MROH9: variants seen among roughly 807,000 people sequenced by gnomAD.
The protein encoded by MROH9 is maestro heat like repeat family member 9.
In MROH9, 92 loss-of-function variants were observed where a neutral mutation model predicts 98.2. The ratio of observed to expected loss-of-function variants is 0.94; its 90% CI spans 0.79 to 1.11. The LOEUF is 1.11. Among genes scored for constraint, MROH9 ranks in the 50% most tolerant of loss-of-function variants. The pLI is 0.00. For missense variants in MROH9, 1,057 were observed against 1,014.8 expected, an observed-to-expected ratio of 1.04 and a Z score of -0.57; for synonymous variants, 397 against 368.9, an observed-to-expected ratio of 1.08 and a Z score of -0.87.
chr1:170,969,618 G>A (rs1650363287), intron 7 of MROH9, among the ~76,000 whole-genome samples: 1 of 152,110 alleles, frequency 6.6e-6, no homozygotes, highest in African/African-American at 2.4e-5. Context: ...AGAAGCAGCT[G>A]AAAACCATAG....
In MROH9 at chr1:171,014,323, C is replaced by G. The variant is rs985112420; in HGVS notation, c.1734+69C>G. 4.3e-6 allele frequency: 6 copies of G among 1,387,312 alleles called. No homozygotes were observed. The African/African-American group carries it at 7.2e-5, about 17-fold the overall frequency. 85.9% of individuals were successfully genotyped at this position (1,387,312 alleles called of 1,614,324 possible). ...AATCTGAGATTTTGATGTCACTTAACATCTTCACTGACAAAGCGGTGATAT... is the reference window on the plus strand; with the variant it reads ...AATCTGAGATTTTGATGTCACTTAAGATCTTCACTGACAAAGCGGTGATAT... On this transcript the variant is annotated intron_variant, in intron 16 of 21. Coordinates refer to ENST00000367759, the MANE Select transcript of MROH9 (RefSeq NM_001163629.2).
At chr1:170,977,208 C>A (rs1386874722) in intron 8 of MROH9, among the ~76,000 whole-genome samples, 1 of 152,104 alleles carries the variant, frequency 6.6e-6, no homozygotes, top group Non-Finnish European at 1.5e-5. Flanking sequence ...GATCTTCATT[C>A]CTAGCCATAT....
intron 3 of MROH9, among the ~76,000 whole-genome samples, chr1:170,957,804 TTTTTTGTTTGTTTG>T (rs1557873142): frequency 6.2e-5 from 9 of 144,942 alleles, no homozygotes; most frequent in Non-Finnish European, 7.8e-5. Flanking sequence ...TGTTTTTTTT[TTTTTTGTTTGTTTG>T]TTTTTTTTGA....
At chr1:170,981,641 C>T (rs1346605355) in intron 8 of MROH9, among the ~76,000 whole-genome samples, 16 of 150,780 alleles carry the variant, frequency 1.1e-4, no homozygotes, top group African/African-American at 3.2e-4. Context: ...ACTTAAAGGA[C>T]GGGTCAATAG....
chr1:170,973,865 G>A (rs1055560086), intron 8 of MROH9, among the ~76,000 whole-genome samples: 24 of 152,020 alleles, frequency 1.6e-4, no homozygotes, highest in African/African-American at 5.8e-4. Context: ...ATAGAGAAAT[G>A]GCACAGATGA....
chr1:170,985,167 T>C (rs1407523027), intron 9 of MROH9, among the ~76,000 whole-genome samples: 2 of 152,154 alleles, frequency 1.3e-5, no homozygotes, highest in Admixed American at 6.5e-5. Context: ...TCATACCAAA[T>C]AAACTAATAG....
chr1:170,937,561 G>T (rs1391610235), intron 1 of MROH9, among the ~76,000 whole-genome samples: 1 of 123,066 alleles, frequency 8.1e-6, no homozygotes, highest in African/African-American at 3.2e-5. Context: ...TCGCTCTGTC[G>T]CCCAGGCTGG....
intron 17 of MROH9, among the ~76,000 whole-genome samples, chr1:171,023,458 T>G (rs1284715169): frequency 6.6e-6 from 1 of 152,170 alleles, no homozygotes; most frequent in Non-Finnish European, 1.5e-5. Context: ...AAAAATTATC[T>G]TCAAGTTATA....
intron 7 of MROH9, among the ~76,000 whole-genome samples, chr1:170,965,558 C>A (rs1650201643): frequency 6.6e-6 from 1 of 152,114 alleles, no homozygotes; most frequent in Non-Finnish European, 1.5e-5. Context: ...TCTTTAAAAT[C>A]CTTCCAACCT....
intron 15 of MROH9, among the ~76,000 whole-genome samples, chr1:171,000,579 G>T (rs1651752069): frequency 6.6e-6 from 1 of 152,010 alleles, no homozygotes; most frequent in Non-Finnish European, 1.5e-5. Context: ...CTGCATACCT[G>T]GTATGAAACC....
At chr1:171,002,895 T>C (rs558830679) in intron 15 of MROH9, among the ~76,000 whole-genome samples, 26 of 152,310 alleles carry the variant, frequency 1.7e-4, no homozygotes, top group African/African-American at 6.3e-4. Context: ...CCAATTATTC[T>C]TAGGTTTAGT....
chr1:171,005,911 T>A (rs545872892), intron 15 of MROH9, among the ~76,000 whole-genome samples: 2 of 152,188 alleles, frequency 1.3e-5, no homozygotes, highest in South Asian at 4.1e-4. Context: ...ATTGAAGCTA[T>A]ATTTTAATAC....
chr1:171,046,585 C>T lies in MROH9; in HGVS notation c.2282-15547C>T, dbSNP rs2101864230. Among the ~76,000 whole-genome samples the T allele has an allele frequency of 3.3e-5, 5 of 152,226 alleles. No homozygotes were observed. The Middle Eastern group carries it at 0.014, about 414-fold the overall frequency. On this transcript the variant is annotated intron_variant, in intron 20 of 21. Transcript: ENST00000367759. ...TTAATTTCATCCCTCTGCTTTTTAA[C>T]TTTTTGTTGCTTCTATTTATATCTT...
chr1:171,062,207 GT>G lies in MROH9; in HGVS notation c.2344+15del. 1 of 1,524,514 alleles carries G rather than the reference GT, an allele frequency of 6.6e-7. No homozygotes were observed. The highest frequency in any genetic ancestry group is 8.9e-7 in the Non-Finnish European group (1 of 1,124,956). The allele number at this position is 1,524,514 out of a possible 1,614,324, so 94.4% of individuals were successfully genotyped here. On this transcript the variant is annotated intron_variant, in intron 21 of 21. Coordinates refer to ENST00000367759, the MANE Select transcript of MROH9 (RefSeq NM_001163629.2). ...GTCATGCTTGATGGTGAGTATTGAG[GT>G]TATAACAAAATCTTTATGCATAAAT...
chr1:171,050,089 G>A (rs1653617578), intron 20 of MROH9, among the ~76,000 whole-genome samples: 1 of 152,152 alleles, frequency 6.6e-6, no homozygotes, highest in African/African-American at 2.4e-5. Context: ...TGGATTGTCT[G>A]TTTACTCAGC....
chr1:171,011,922 A>G (rs1652167808), intron 15 of MROH9, among the ~76,000 whole-genome samples: 1 of 151,422 alleles, frequency 6.6e-6, no homozygotes, highest in South Asian at 2.1e-4. Flanking sequence ...TGCCTTTATT[A>G]TTTTCTTACA....
Position 170,983,546 on chromosome 1 carries a change from C to G in MROH9, c.729+12C>G. ...GTAAAATAGCTCAGGTAACTTAGCCCCCACTTTTTCCGAGGGCTTTTGTTT... is the reference window on the plus strand; with the variant it reads ...GTAAAATAGCTCAGGTAACTTAGCCGCCACTTTTTCCGAGGGCTTTTGTTT... On this transcript the variant is annotated intron_variant, in intron 9 of 21. Transcript: ENST00000367759. 1 of 1,497,276 alleles carries G rather than the reference C, an allele frequency of 6.7e-7. No individual in the cohort carries two copies. Among genetic ancestry groups the G allele is most frequent in the Non-Finnish European group, 9.3e-7 (1 of 1,076,624 alleles). The allele number at this position is 1,497,276 out of a possible 1,614,324, so 92.7% of individuals were successfully genotyped here. A position where few individuals can be genotyped will look rare whatever the true frequency, so the allele number is the denominator to read the frequency against.
At chr1:170,986,449 G>A in intron 9 of MROH9, 112 bp from the exon 10 acceptor site, 1 of 1,056,692 alleles carries the variant, frequency 9.5e-7, no homozygotes, top group Non-Finnish European at 1.4e-6. Context: ...ATGGCCCACG[G>A]AAGACTTGTG....
At position 171,064,298 on chromosome 1, in the gene MROH9, T is replaced by C; in HGVS notation, c.2544T>C (p.Ser848=). 1.9e-6 allele frequency: 3 copies of C among 1,547,086 alleles called. No individual in the cohort carries two copies. In the African/African-American group the frequency reaches 4.1e-5, roughly 21 times the overall value. ...NYNSPNGQID[S]PTDSKDVKND... Reference sequence around the variant, plus strand: ...ACTCACCCAATGGCCAGATAGACAGTCCTACAGACAGTAAAGATGTCAAGA... The same window carrying C: ...ACTCACCCAATGGCCAGATAGACAGCCCTACAGACAGTAAAGATGTCAAGA... Residue 848 remains serine, a synonymous_variant, in exon 22 of 22, where the codon AGT becomes AGC. Coordinates refer to ENST00000367759, the MANE Select transcript of MROH9 (RefSeq NM_001163629.2).
Sources: gnomAD v4.1 joint callset for allele counts (sites outside exome capture counted in the v4.1 genomes callset) on GRCh38, gnomAD v4.1.1 for gene constraint, MANE v1.5 for transcripts, NCBI Gene and HGNC (gene_info 2026-07-23, HGNC 2026-07-21) for gene names.